CDYL: variants seen among roughly 807,000 people sequenced by gnomAD.
The protein encoded by CDYL is chromodomain Y-like protein.
A neutral mutation model predicts 47.3 loss-of-function variants in CDYL; 8 were observed. The observed-to-expected ratio is 0.17, with a 90% CI of 0.10 to 0.31. CDYL has a LOEUF of 0.31. CDYL is among the 10% of genes least tolerant of loss of function. CDYL has a pLI of 1.00. For missense variants in CDYL, 471 were observed against 701.4 expected (o/e 0.67, Z 3.71); for synonymous variants, 266 against 265.0 (o/e 1.00, Z -0.04).
intron 1 of CDYL, among the ~76,000 whole-genome samples, chr6:4,820,371 G>T (rs113490831): frequency 0.027 from 4,038 of 152,252 alleles, 184 homozygotes; most frequent in African/African-American, 0.092. Context: ...AAAGCTAGGC[G>T]TTTCTCCCTC....
chr6:4,815,571 G>A (rs893388364), intron 1 of CDYL, among the ~76,000 whole-genome samples: 17 of 151,648 alleles, frequency 1.1e-4, no homozygotes, highest in African/African-American at 3.9e-4. Flanking sequence ...TTGAGTGCCT[G>A]CCTTCCTGCA....
chr6:4,757,307 T>A (rs1200049189), intron 3 of CDYL, among the ~76,000 whole-genome samples: 1 of 152,226 alleles, frequency 6.6e-6, no homozygotes, highest in Non-Finnish European at 1.5e-5. Flanking sequence ...TCTCCTACTT[T>A]TTGTGTGGGT....
chr6:4,807,381 T>G (rs1229537819), intron 1 of CDYL, among the ~76,000 whole-genome samples: 1 of 152,156 alleles, frequency 6.6e-6, no homozygotes, highest in Non-Finnish European at 1.5e-5. Context: ...AATTAATACA[T>G]ATCTTGGGGA....
intron 2 of CDYL, among the ~76,000 whole-genome samples, chr6:4,927,107 G>T (rs1208185648): frequency 6.6e-6 from 1 of 152,210 alleles, no homozygotes; most frequent in Non-Finnish European, 1.5e-5. Flanking sequence ...TAGGCATGAA[G>T]TTTAGGGCTT....
intron 2 of CDYL, chr6:4,724,261 G>A (rs759208129): frequency 6.6e-6 from 1 of 151,804 alleles, no homozygotes; most frequent in Non-Finnish European, 1.5e-5. Flanking sequence ...ATGTTGGCCC[G>A]GCTGGTCTCA....
intron 1 of CDYL, among the ~76,000 whole-genome samples, chr6:4,794,699 C>T (rs1001843955): frequency 1.3e-5 from 2 of 152,146 alleles, no homozygotes; most frequent in Non-Finnish European, 2.9e-5. Flanking sequence ...TATCTCGTCT[C>T]TCTCAGTAAT....
At chr6:4,755,393 C>A (rs1758060425) in intron 3 of CDYL, among the ~76,000 whole-genome samples, 1 of 152,154 alleles carries the variant, frequency 6.6e-6, no homozygotes, top group African/African-American at 2.4e-5. Flanking sequence ...TTAAACATTT[C>A]TTCCTCTTCA....
At chr6:4,815,907 A>C (rs1418960722) in intron 1 of CDYL, among the ~76,000 whole-genome samples, 1 of 151,134 alleles carries the variant, frequency 6.6e-6, no homozygotes, top group African/African-American at 2.4e-5. Context: ...TGTCTTGGTT[A>C]AAAAGTCCTT....
intron 1 of CDYL, among the ~76,000 whole-genome samples, chr6:4,710,739 T>G (rs941548309): frequency 1.3e-5 from 2 of 152,128 alleles, no homozygotes; most frequent in African/African-American, 4.8e-5. Context: ...CCTTCTCCCC[T>G]CCCCTACTCA....
At chr6:4,787,347 C>T (rs116278265) in intron 1 of CDYL, among the ~76,000 whole-genome samples, 38 of 152,218 alleles carry the variant, frequency 2.5e-4, no homozygotes, top group African/African-American at 8.2e-4. Context: ...TCATTTGGCA[C>T]GCCATCCTGC....
At chr6:4,708,993 T>TGGGA (rs1757097278) in intron 1 of CDYL, among the ~76,000 whole-genome samples, 1 of 151,712 alleles carries the variant, frequency 6.6e-6, no homozygotes, top group Non-Finnish European at 1.5e-5. Flanking sequence ...GGTGACAGAG[T>TGGGA]GGGACCCTGT....
chr6:4,815,249 C>T (rs930612412), intron 1 of CDYL, among the ~76,000 whole-genome samples: 6 of 152,190 alleles, frequency 3.9e-5, no homozygotes, highest in African/African-American at 9.6e-5. Flanking sequence ...ATGTATATAT[C>T]GTGTATCACA....
intron 1 of CDYL, among the ~76,000 whole-genome samples, chr6:4,868,816 A>G (rs776231666): frequency 6.6e-6 from 1 of 152,242 alleles, no homozygotes; most frequent in Non-Finnish European, 1.5e-5. Flanking sequence ...ACACACATTC[A>G]TAGTTATTAC....
At chr6:4,913,003 G>A (rs1469856058) in intron 2 of CDYL, among the ~76,000 whole-genome samples, 1 of 152,238 alleles carries the variant, frequency 6.6e-6, no homozygotes, top group Non-Finnish European at 1.5e-5. Context: ...GCTCTGAGGA[G>A]AGTGACTTGC....
At chr6:4,929,227 C>CT (rs902966010) in intron 2 of CDYL, among the ~76,000 whole-genome samples, 116 of 147,956 alleles carry the variant, frequency 7.8e-4, no homozygotes, top group Admixed American at 1.8e-3. Flanking sequence ...TATAGGTTGG[C>CT]TTTTTTTTTT....
At chr6:4,846,286 T>C (rs1760654784) in intron 1 of CDYL, among the ~76,000 whole-genome samples, 1 of 152,068 alleles carries the variant, frequency 6.6e-6, no homozygotes, top group Non-Finnish European at 1.5e-5. Context: ...ACGGCAAATG[T>C]GGAGACATGT....
chr6:4,706,798 AAT>A (rs1757054551), intron 1 of CDYL, among the ~76,000 whole-genome samples: 1 of 152,130 alleles, frequency 6.6e-6, no homozygotes, highest in Admixed American at 6.6e-5. Flanking sequence ...AAATAAATAA[AAT>A]AAAACTACAA....
rs144916946 is a variant in CDYL at position 4,746,044 on chromosome 6, C to T, written c.186+11200C>T. On this transcript the variant is annotated intron_variant, in intron 3 of 8. Coordinates refer to the CDYL transcript ENST00000328908. ...TAGCGAGATAAATGTTAGATACAAA[C>T]GGGACATCCAATGCATGCTTTAGAA... Among the ~76,000 whole-genome samples, 428 of 152,228 alleles carry T rather than the reference C, an allele frequency of 2.8e-3. 3 individuals are homozygous for T. The highest frequency in any genetic ancestry group is 9.8e-3 in the African/African-American group (409 of 41,548).
chr6:4,860,602 ATATATAT>A (rs1317748021), intron 1 of CDYL, among the ~76,000 whole-genome samples: 13 of 131,678 alleles, frequency 9.9e-5, no homozygotes, highest in African/African-American at 5.1e-4. Flanking sequence ...CATATATATC[ATATATAT>A]TATATTTTGT....
Sources: allele counts gnomAD v4.1 joint callset (sites outside exome capture counted in the v4.1 genomes callset), GRCh38; gene constraint gnomAD v4.1.1; transcripts MANE v1.5; gene names NCBI Gene and HGNC (gene_info 2026-07-23, HGNC 2026-07-21).